Variants in ZNF83 observed in about 807,000 individuals in gnomAD.
ZNF83 encodes the protein zinc finger protein 83.
For missense variants in ZNF83, 552 were observed against 629.9 expected, an observed-to-expected ratio of 0.88 and a Z score of 1.32; for synonymous variants, 209 against 213.0, an observed-to-expected ratio of 0.98 and a Z score of 0.17.
intron 3 of ZNF83, chr19:52,655,548 A>C (rs1259986167): frequency 1.3e-6 from 2 of 1,482,822 alleles, no homozygotes; most frequent in East Asian, 4.5e-5. Flanking sequence ...ATCAGGAGGG[A>C]CATTTTCCTC....
intron 1 of ZNF83, among the ~76,000 whole-genome samples, chr19:52,669,730 T>G (rs1335345934): frequency 6.6e-6 from 1 of 152,168 alleles, no homozygotes; most frequent in East Asian, 1.9e-4. Context: ...GTAGCCTCAA[T>G]TCTTACTTCC....
At position 52,687,647 on chromosome 19, in the gene ZNF83, A is replaced by G. The variant is rs370336317; in HGVS notation, c.-283+2796T>C. On this transcript the variant is annotated intron_variant, in intron 1 of 5. Transcript: ENST00000594682. ...ATATATATAATGTATATATATATAT[A>G]TATATATATAATGTATATATATATA... Among the ~76,000 whole-genome samples, 115 of 17,258 alleles carry G rather than the reference A, an allele frequency of 6.7e-3. 6 individuals carry two copies. Among genetic ancestry groups the G allele is most frequent in the African/African-American group, 0.065 (78 of 1,204 alleles). 11.3% of individuals were successfully genotyped at this position (17,258 alleles called of 152,430 possible).
intron 2 of ZNF83, among the ~76,000 whole-genome samples, chr19:52,621,926 G>A (rs993126296): frequency 7.2e-6 from 1 of 138,890 alleles, no homozygotes; most frequent in African/African-American, 2.7e-5. Flanking sequence ...CTAGCTTCTG[G>A]TCCCAATGTG....
chr19:52,618,773 A>ATTT (rs2060418105), intron 2 of ZNF83: 2 of 1,229,594 alleles, frequency 1.6e-6, no homozygotes, highest in Admixed American at 2.7e-5. Context: ...CATCTAAAAA[A>ATTT]GGGGACAGTG....
chr19:52,643,458 T>C (rs1324177400), intron 3 of ZNF83, among the ~76,000 whole-genome samples: 1 of 55,210 alleles, frequency 1.8e-5, no homozygotes, highest in Non-Finnish European at 3.3e-5. Flanking sequence ...TCCTAGCACG[T>C]TGGGAGGCTG....
chr19:52,635,752 T>C (rs1166320049), intron 1 of ZNF83: 2 of 152,076 alleles, frequency 1.3e-5, no homozygotes, highest in Non-Finnish European at 2.9e-5. Context: ...ACTAGCACTC[T>C]GAAAGGCCAA....
upstream of ZNF83, among the ~76,000 whole-genome samples, chr19:52,640,432 C>T (rs933946395): frequency 1.3e-5 from 2 of 152,140 alleles, no homozygotes; most frequent in African/African-American, 4.8e-5. Context: ...TGATACAATT[C>T]GAGGAAGGTC....
At chr19:52,654,108 T>C (rs2061477421) in intron 3 of ZNF83, 2 of 1,605,114 alleles carry the variant, frequency 1.2e-6, no homozygotes, top group Admixed American at 3.3e-5. Flanking sequence ...CAGGCAGATG[T>C]GAATAAAAGC....
intron 1 of ZNF83, among the ~76,000 whole-genome samples, chr19:52,669,646 T>G (rs1173093566): frequency 6.6e-6 from 1 of 152,288 alleles, no homozygotes; most frequent in East Asian, 1.9e-4. Flanking sequence ...TCCAATAAGT[T>G]AGTGAACAAC....
intron 1 of ZNF83, among the ~76,000 whole-genome samples, chr19:52,666,754 CA>C (rs1289694286): frequency 1.3e-5 from 2 of 151,718 alleles, no homozygotes; most frequent in Non-Finnish European, 2.9e-5. Flanking sequence ...GGTTTTCTAA[CA>C]GGGGGTCTAA....
intron 1 of ZNF83, among the ~76,000 whole-genome samples, chr19:52,687,333 T>G (rs1410769433): frequency 7.7e-6 from 1 of 130,626 alleles, no homozygotes; most frequent in South Asian, 2.2e-4. Flanking sequence ...ATTATATATA[T>G]AGATATATAA....
upstream of ZNF83, among the ~76,000 whole-genome samples, chr19:52,640,754 T>C (rs1466700068): frequency 2.0e-5 from 3 of 152,168 alleles, no homozygotes; most frequent in Non-Finnish European, 4.4e-5. Context: ...GGACTCTGCC[T>C]GCTCAAACAA....
At chr19:52,615,922 T>C (rs2060289282) in intron 2 of ZNF83, among the ~76,000 whole-genome samples, 1 of 152,186 alleles carries the variant, frequency 6.6e-6, no homozygotes, top group Non-Finnish European at 1.5e-5. Context: ...CGCTGCAACC[T>C]CCGCCACACG....
chr19:52,687,618 A>AAATTT (rs2062062840), intron 1 of ZNF83, among the ~76,000 whole-genome samples: 2 of 24,228 alleles, frequency 8.3e-5, no homozygotes, highest in African/African-American at 4.0e-4. Flanking sequence ...TATAATGTGT[A>AAATTT]TATATATATA....
chr19:52,630,091 C>T (rs1846573614), intron 2 of ZNF83, among the ~76,000 whole-genome samples: 1 of 152,146 alleles, frequency 6.6e-6, no homozygotes. Flanking sequence ...TGCCCGCAGC[C>T]CAGGATTCCT....
intron 1 of ZNF83, among the ~76,000 whole-genome samples, chr19:52,673,479 C>A (rs2061754769): frequency 6.6e-6 from 1 of 151,292 alleles, no homozygotes; most frequent in Non-Finnish European, 1.5e-5. Context: ...CTCCAGGGTA[C>A]ACAAGAAGAG....
chr19:52,626,902 C>G (rs1174876811), intron 2 of ZNF83, among the ~76,000 whole-genome samples: 1 of 152,082 alleles, frequency 6.6e-6, no homozygotes, highest in Non-Finnish European at 1.5e-5. Flanking sequence ...AATGTCAGGC[C>G]TCTGAGCCCA....
chr19:52,684,578 A>G lies in ZNF83; in HGVS notation c.-283+5865T>C, dbSNP rs2061982785. ...AAAGAAAAAAAAAGGAAAGAAAGAA[A>G]AAGTGCTTCTGATATGATTGATGCA... is the stretch of plus-strand genomic sequence containing the variant. On this transcript the variant is annotated intron_variant, in intron 1 of 5. Coordinates refer to the ZNF83 transcript ENST00000594682. Among the ~76,000 whole-genome samples, 4 of 151,482 alleles carry G rather than the reference A, an allele frequency of 2.6e-5. No individual in the cohort carries two copies. In the South Asian group the frequency reaches 8.3e-4, roughly 32 times the overall value.
intron 1 of ZNF83, among the ~76,000 whole-genome samples, chr19:52,665,618 G>C (rs1299855663): frequency 2.0e-4 from 30 of 152,044 alleles, no homozygotes; most frequent in Admixed American, 1.9e-3. Context: ...TTAATCACCT[G>C]CTCCACCCTG....
Sources: allele counts gnomAD v4.1 joint callset (sites outside exome capture counted in the v4.1 genomes callset), GRCh38; gene constraint gnomAD v4.1.1; transcripts MANE v1.5; gene names NCBI Gene and HGNC (gene_info 2026-07-23, HGNC 2026-07-21).